The following DBNL variants were observed in gnomAD, a reference collection of about 807,000 sequenced individuals.
DBNL encodes the protein drebrin like.
A neutral mutation model predicts 62.2 loss-of-function variants in DBNL; 35 were observed. That is an observed-to-expected ratio of 0.56 (90% CI 0.43 to 0.75). The LOEUF (loss-of-function observed/expected upper bound fraction) is 0.75. DBNL is among the 30% of genes least tolerant of loss of function. The probability of loss-of-function intolerance (pLI) is 0.00; values close to 1 mark genes in which losing one functional copy is unlikely to be tolerated. For missense variants in DBNL, 495 were observed against 578.4 expected, an observed-to-expected ratio of 0.86 and a Z score of 1.48; for synonymous variants, 197 against 218.0, an observed-to-expected ratio of 0.90 and a Z score of 0.85.
At chr7:44,053,894 T>G (rs1275620354) in intron 4 of DBNL, among the ~76,000 whole-genome samples, 1 of 152,100 alleles carries the variant, frequency 6.6e-6, no homozygotes. Context: ...GCCAGGATGG[T>G]CTCGATCTCC....
chr7:44,059,058 C>G lies in DBNL; in HGVS notation c.835+75C>G. ...GAGCCTGGGGTCCTATGTGGGCTCC[C>G]CCAAGGCTAGTGACAGATATATCGG... On this transcript the variant is annotated intron_variant, in intron 9 of 12. Coordinates refer to ENST00000448521, the MANE Select transcript of DBNL (RefSeq NM_001014436.3). The surrounding 1 kb of genome is among the most constrained non-coding windows in gnomAD (Gnocchi z 4.1). 6.6e-7 allele frequency: 1 copy of G among 1,507,438 alleles called. No individual in the cohort carries two copies. The highest frequency in any genetic ancestry group is 9.2e-7 in the Non-Finnish European group (1 of 1,090,130). 93.4% of individuals were successfully genotyped at this position (1,507,438 alleles called of 1,614,324 possible).
intron 1 of DBNL, among the ~76,000 whole-genome samples, chr7:44,045,365 G>C (rs2096115279): frequency 6.6e-6 from 1 of 152,220 alleles, no homozygotes; most frequent in African/African-American, 2.4e-5. Context: ...GTCTGTGAAC[G>C]TGGACTTCAG....
chr7:44,058,305 T>G, intron 7 of DBNL, 25 bp downstream of exon 7: 1 of 1,579,842 alleles, frequency 6.3e-7, no homozygotes, highest in South Asian at 1.2e-5. Context: ...GAGGCTGGCC[T>G]GGGGGACCCA....
At position 44,059,621 on chromosome 7, in the gene DBNL, C is replaced by A. The variant is rs1213102802; in HGVS notation, c.1010C>A (p.Pro337His). ...QAEEEAVYEE[P>H]PEQETFYEQP... ...GAAGAGGAGGCTGTGTATGAGGAAC[C>A]TCCAGAGCAGGAGACCTTCTACGAG... is the stretch of plus-strand genomic sequence containing the variant. Residue 337 changes from proline to histidine, a missense_variant, in exon 11 of 13, where the codon CCT becomes CAT. Coordinates refer to ENST00000448521, the MANE Select transcript of DBNL (RefSeq NM_001014436.3). The surrounding 1 kb of genome is among the most constrained non-coding windows in gnomAD (Gnocchi z 4.1). 6.2e-7 allele frequency: 1 copy of A among 1,609,708 alleles called. No homozygotes were observed. The highest frequency in any genetic ancestry group is 8.5e-7 in the Non-Finnish European group (1 of 1,179,876).
chr7:44,056,931 C>G lies in DBNL; in HGVS notation c.474+28C>G, dbSNP rs374080977. The G allele has an allele frequency of 3.8e-4, 620 of 1,612,110 alleles. 5 individuals are homozygous for G. The highest frequency in any genetic ancestry group is 5.0e-5 in the Non-Finnish European group (59 of 1,179,302). ...GAGTGCTGCTTGCCCATCGCCAGCC[C>G]TTTTGTTGCTCAGGGCCTGAGGCAG... On this transcript the variant is annotated intron_variant, in intron 5 of 12. Coordinates refer to ENST00000448521, the MANE Select transcript of DBNL (RefSeq NM_001014436.3).
rs1417727683 is a variant in DBNL, at chr7:44,060,731, G to A, written c.1154-46G>A. 1 of 1,599,236 alleles carries A rather than the reference G, an allele frequency of 6.3e-7. No individual in the cohort carries two copies. The highest frequency in any genetic ancestry group is 1.1e-5 in the South Asian group (1 of 90,152). ...CGTGGGCTGCCCGAGCAGGTGGGAT[G>A]TGGGAGGGAGCCCCTGATATGCATC... On this transcript the variant is annotated intron_variant, in intron 12 of 12. Coordinates refer to ENST00000448521, the MANE Select transcript of DBNL (RefSeq NM_001014436.3). The surrounding 1 kb of genome is among the most constrained non-coding windows in gnomAD (Gnocchi z 6.3).
rs921828524 is a variant in DBNL at position 44,068,194 on chromosome 7, G to C, written c.*7278G>C. The C allele has an allele frequency of 1.3e-5, 2 of 151,964 alleles. No homozygotes were observed. Among genetic ancestry groups the C allele is most frequent in the Admixed American group, 6.6e-5 (1 of 15,240 alleles). 9.4% of individuals were successfully genotyped at this position (151,964 alleles called of 1,614,324 possible). ...TTCTGCAGCTCCTTTCTGCCCCCCTGCGCTGGGCCCTGGATGCAGTTTCAG... is the reference window on the plus strand; with the variant it reads ...TTCTGCAGCTCCTTTCTGCCCCCCTCCGCTGGGCCCTGGATGCAGTTTCAG... On this transcript the variant is annotated 3_prime_UTR_variant, in exon 13 of 13. Coordinates refer to ENST00000448521, the MANE Select transcript of DBNL (RefSeq NM_001014436.3).
At chr7:44,045,383 G>A (rs2096115346) in intron 1 of DBNL, among the ~76,000 whole-genome samples, 1 of 152,184 alleles carries the variant, frequency 6.6e-6, no homozygotes, top group African/African-American at 2.4e-5. Context: ...CAGAACTTTC[G>A]TTTCTCCAAA....
Position 44,062,356 on chromosome 7 carries a change from G to C in DBNL, c.*1440G>C. 7.5e-6 allele frequency: 2 copies of C among 266,026 alleles called. No homozygotes were observed. The highest frequency in any genetic ancestry group is 8.3e-5 in the South Asian group (2 of 24,054). The allele number at this position is 266,026 out of a possible 1,614,324, so 16.5% of individuals were successfully genotyped here. On this transcript the variant is annotated 3_prime_UTR_variant, in exon 13 of 13. Coordinates refer to ENST00000448521, the MANE Select transcript of DBNL (RefSeq NM_001014436.3). The stretch of plus-strand genomic sequence containing the variant: ...GTGCCACCCGGGGGTTGCAAGGACA[G>C]CAGAGGACCACCTGCCCTCTGCAGG...
chr7:44,044,981 A>G, intron 1 of DBNL, 161 bp downstream of exon 1: 1 of 623,558 alleles, frequency 1.6e-6, no homozygotes, highest in South Asian at 2.8e-5. Context: ...CCGCAGCAGG[A>G]GTGCTGTCTC....
At chr7:44,048,183 G>C (rs977384908) in intron 1 of DBNL, among the ~76,000 whole-genome samples, 1 of 152,192 alleles carries the variant, frequency 6.6e-6, no homozygotes, top group Non-Finnish European at 1.5e-5. Flanking sequence ...CCAAAGTGCT[G>C]GGATTACCGG....
At chr7:44,052,797 G>A in intron 3 of DBNL, 70 bp from the exon 4 acceptor site, 6 of 1,580,126 alleles carry the variant, frequency 3.8e-6, no homozygotes, top group Middle Eastern at 1.7e-4. Context: ...CAGGGTAGAT[G>A]TTGGGTCCCC....
In DBNL at chr7:44,065,244, TG is replaced by T; in HGVS notation, c.*4329del. The T allele has an allele frequency of 6.2e-7, 1 of 1,613,912 alleles. No individual in the cohort carries two copies. The highest frequency in any genetic ancestry group is 1.1e-5 in the South Asian group (1 of 91,084). Reference sequence around the variant, plus strand: ...GCCGTTTCTGCCTTGTTGAGGCCTGTGAGGCCCCCGTAATGCCGCTCATTGA... The same window carrying T: ...GCCGTTTCTGCCTTGTTGAGGCCTGTAGGCCCCCGTAATGCCGCTCATTGA... On this transcript the variant is annotated 3_prime_UTR_variant, in exon 13 of 13. Coordinates refer to ENST00000448521, the MANE Select transcript of DBNL (RefSeq NM_001014436.3).
chr7:44,050,751 G>C (rs995041806), intron 2 of DBNL: 1 of 163,106 alleles, frequency 6.1e-6, no homozygotes, highest in Admixed American at 6.1e-5. Context: ...GGAAGGACAG[G>C]CTCTTGGCCA....
chr7:44,045,002 C>T (rs915252349), intron 1 of DBNL, 182 bp downstream of exon 1: 2 of 529,400 alleles, frequency 3.8e-6, no homozygotes, highest in African/African-American at 4.0e-5. Flanking sequence ...ACCCTCGTGA[C>T]CCCTTGCCCC....
At chr7:44,057,940 T>C in intron 6 of DBNL, 81 bp downstream of exon 6, 1 of 1,589,624 alleles carries the variant, frequency 6.3e-7, no homozygotes. Flanking sequence ...AGTGAGCTCA[T>C]GCAGCATCCA....
intron 2 of DBNL, chr7:44,050,829 C>G (rs956804864): frequency 6.5e-6 from 1 of 152,896 alleles, no homozygotes; most frequent in African/African-American, 2.4e-5. Context: ...AGCTGACACC[C>G]GTGACTGCTC....
In DBNL at chr7:44,064,912, A is replaced by G. The variant is rs370003298; in HGVS notation, c.*3996A>G. The G allele has an allele frequency of 2.5e-6, 4 of 1,611,412 alleles. No individual in the cohort carries two copies. Among genetic ancestry groups the G allele is most frequent in the Non-Finnish European group, 3.4e-6 (4 of 1,179,704 alleles). On this transcript the variant is annotated 3_prime_UTR_variant, in exon 13 of 13. Transcript: ENST00000448521. ...TCGCTTGCCGGCCTTGATCTGGGGA[A>G]CAATCTCCTCGTTCCAGAAGGGCAG...
In DBNL at chr7:44,062,909, A is replaced by C; in HGVS notation, c.*1993A>C. ...GATCCCCGTGGGCAGGTTCAGCTCC[A>C]TGATCGCCTGGTCTGACATCCCTAT... On this transcript the variant is annotated 3_prime_UTR_variant, in exon 13 of 13. Coordinates refer to ENST00000448521, the MANE Select transcript of DBNL (RefSeq NM_001014436.3). 6.2e-7 allele frequency: 1 copy of C among 1,614,188 alleles called. No homozygotes were observed. The highest frequency in any genetic ancestry group is 1.1e-5 in the South Asian group (1 of 91,086).
Sources: allele counts gnomAD v4.1 joint callset (sites outside exome capture counted in the v4.1 genomes callset), GRCh38; gene constraint gnomAD v4.1.1; non-coding constraint Gnocchi (gnomAD v3.1); transcripts MANE v1.5; gene names NCBI Gene and HGNC (gene_info 2026-07-23, HGNC 2026-07-21).